CD200R1L: variants seen among roughly 807,000 people sequenced by gnomAD.
The protein encoded by CD200R1L is cell surface glycoprotein CD200 receptor 2.
CD200R1L carries 14 observed loss-of-function variants against 24.8 expected under a neutral mutation model. That is an observed-to-expected ratio of 0.56 (90% CI 0.37 to 0.88). The LOEUF is 0.88. Among genes scored for constraint, CD200R1L ranks in the 40% least tolerant of loss-of-function variants. CD200R1L has a pLI of 0.00. For missense variants in CD200R1L, 299 were observed against 297.8 expected (o/e 1.00, Z -0.03); for synonymous variants, 111 against 109.2 (o/e 1.02, Z -0.11).
At position 112,845,905 on chromosome 3, in the gene CD200R1L, T is replaced by C. The variant is rs6766376; in HGVS notation, c.-313A>G. 5.7e-5 allele frequency: 32 copies of C among 566,276 alleles called. No individual in the cohort carries two copies. The African/African-American group carries it at 5.9e-4, about 10-fold the overall frequency. 35.1% of individuals were successfully genotyped at this position (566,276 alleles called of 1,614,324 possible). A position where few individuals can be genotyped will look rare whatever the true frequency, so the allele number is the denominator to read the frequency against. On this transcript the variant is annotated 5_prime_UTR_variant, in exon 2 of 8. Transcript: ENST00000488794. ...CTTTAATTTTTGCTGTCATTCTATATGTTTTTGACTGATTAACCACTGATG... is the reference window on the plus strand; with the variant it reads ...CTTTAATTTTTGCTGTCATTCTATACGTTTTTGACTGATTAACCACTGATG...
At chr3:112,842,084 GAC>G (rs1939095923) in intron 2 of CD200R1L, among the ~76,000 whole-genome samples, 1 of 152,204 alleles carries the variant, frequency 6.6e-6, no homozygotes, top group Admixed American at 6.5e-5. Context: ...CAGTGATCTA[GAC>G]ACAGAAGGCT....
chr3:112,837,830 G>T lies in CD200R1L; in HGVS notation c.-18+112C>A, dbSNP rs981605929. On this transcript the variant is annotated intron_variant, in intron 3 of 7. Coordinates refer to ENST00000488794, the MANE Select transcript of CD200R1L (RefSeq NM_001199215.3). ...CCTTGCTTGGTCTTCAAGCAATAGT[G>T]TGCAGAGAGGTATCTGTTAAAATTG... is the stretch of plus-strand genomic sequence containing the variant. The T allele has an allele frequency of 7.6e-6, 2 of 263,566 alleles. 1 individual carries two copies. Among genetic ancestry groups the T allele is most frequent in the African/African-American group, 4.8e-5 (2 of 41,926 alleles). The allele number at this position is 263,566 out of a possible 1,614,324, so 16.3% of individuals were successfully genotyped here. A position where few individuals can be genotyped will look rare whatever the true frequency, so the allele number is the denominator to read the frequency against.
chr3:112,825,001 GC>G (rs1301630253), intron 6 of CD200R1L, among the ~76,000 whole-genome samples: 1 of 152,174 alleles, frequency 6.6e-6, no homozygotes, highest in Non-Finnish European at 1.5e-5. Context: ...ACTTTGGGAG[GC>G]CCAGGCGGGC....
intron 3 of CD200R1L, among the ~76,000 whole-genome samples, chr3:112,833,342 G>A (rs1938856682): frequency 6.6e-6 from 1 of 152,204 alleles, no homozygotes; most frequent in Admixed American, 6.5e-5. Context: ...TGATAAAGAT[G>A]AAATGTGGAG....
At chr3:112,829,586 A>C in intron 3 of CD200R1L, 1 of 907,252 alleles carries the variant, frequency 1.1e-6, no homozygotes, top group Non-Finnish European at 1.3e-6. Context: ...AATTATACTT[A>C]TAAGCAATTG....
At chr3:112,845,164 A>C (rs1441692043) in intron 2 of CD200R1L, among the ~76,000 whole-genome samples, 5 of 152,152 alleles carry the variant, frequency 3.3e-5, no homozygotes, top group Non-Finnish European at 7.3e-5. Context: ...AAAAAAAAAG[A>C]GGAGGTTCAA....
chr3:112,845,022 T>C (rs1576100966), intron 2 of CD200R1L, among the ~76,000 whole-genome samples: 1 of 150,214 alleles, frequency 6.7e-6, no homozygotes, highest in Middle Eastern at 3.4e-3. Context: ...CAGAAGAAAA[T>C]AAATCACTAA....
intron 3 of CD200R1L, among the ~76,000 whole-genome samples, chr3:112,836,961 T>C (rs1207390141): frequency 6.6e-6 from 1 of 152,244 alleles, no homozygotes; most frequent in East Asian, 1.9e-4. Context: ...ATAAAAATTA[T>C]CTGTTCCTTA....
intron 6 of CD200R1L, among the ~76,000 whole-genome samples, chr3:112,825,323 G>A (rs1021076161): frequency 6.7e-6 from 1 of 150,308 alleles, no homozygotes; most frequent in African/African-American, 2.4e-5. Flanking sequence ...CTTTTGAAGA[G>A]CCCAAAGAGG....
chr3:112,838,242 A>C (rs1173495425), intron 2 of CD200R1L, among the ~76,000 whole-genome samples: 1 of 146,428 alleles, frequency 6.8e-6, no homozygotes, highest in Non-Finnish European at 1.5e-5. Flanking sequence ...GTAGTTATGA[A>C]TAAATGATTC....
At chr3:112,830,090 G>T (rs915155050) in intron 3 of CD200R1L, among the ~76,000 whole-genome samples, 3 of 152,112 alleles carry the variant, frequency 2.0e-5, no homozygotes, top group Admixed American at 6.5e-5. Context: ...TTAGAAACAG[G>T]GTCACTTCGG....
At chr3:112,820,874 A>G (rs1938519613) in intron 6 of CD200R1L, among the ~76,000 whole-genome samples, 1 of 151,594 alleles carries the variant, frequency 6.6e-6, no homozygotes. Flanking sequence ...CCTGACCAAC[A>G]TGGTGAAACC....
At position 112,827,078 on chromosome 3, in the gene CD200R1L, G is replaced by A. The variant is rs1312937974; in HGVS notation, c.531C>T (p.Cys177=). Residue 177 remains cysteine (C), a synonymous_variant, in exon 6 of 8, where the codon TGC becomes TGT. Transcript: ENST00000488794. ...CAGTAGACTTGTGGCCCTCCCAGGG[G>A]CATGTACTCTTAACCGTCACTGTGC... ...GNGTVTVKST[C]PWEGHKSTVT... is the part of the protein sequence containing the mutation. 8.7e-6 allele frequency: 14 copies of A among 1,613,210 alleles called. No individual in the cohort carries two copies. Among genetic ancestry groups the A allele is most frequent in the Non-Finnish European group, 1.1e-5 (13 of 1,180,006 alleles).
At chr3:112,836,858 A>G (rs1157180444) in intron 3 of CD200R1L, among the ~76,000 whole-genome samples, 1 of 152,212 alleles carries the variant, frequency 6.6e-6, no homozygotes, top group Non-Finnish European at 1.5e-5. Flanking sequence ...AGTTTTTTGT[A>G]TACTAACTTT....
At chr3:112,836,028 A>G (rs1410123453) in intron 3 of CD200R1L, among the ~76,000 whole-genome samples, 3 of 152,208 alleles carry the variant, frequency 2.0e-5, no homozygotes, top group African/African-American at 7.2e-5. Flanking sequence ...GCACAAATGA[A>G]CCCAATGCGA....
intron 3 of CD200R1L, among the ~76,000 whole-genome samples, chr3:112,832,456 C>G (rs557501784): frequency 9.9e-5 from 15 of 152,106 alleles, no homozygotes; most frequent in East Asian, 5.8e-4. Context: ...TAGGAAAGAC[C>G]AAGATAAATC....
Position 112,827,009 on chromosome 3 carries a change from G to A in CD200R1L, c.600C>T (p.Ser200=), listed in dbSNP as rs776226059. The A allele has an allele frequency of 3.2e-5, 51 of 1,607,662 alleles. No individual in the cohort carries two copies. Among genetic ancestry groups the A allele is most frequent in the East Asian group, 6.7e-5 (3 of 44,816 alleles). Residue 200 remains serine (S), a synonymous_variant, in exon 6 of 8, where the codon TCC becomes TCT. Coordinates refer to ENST00000488794, the MANE Select transcript of CD200R1L (RefSeq NM_001199215.3). The part of the protein sequence containing the change: ...VSHLTGNKSL[S]VKLNSGLRTS... ...GGCGCTTACCTGAATTCAACTTTAC[G>A]GACAGACTCTTGTTGCCAGTCAAAT...
Position 112,844,775 on chromosome 3 carries a change from T to C in CD200R1L, c.-87+904A>G, listed in dbSNP as rs1482625711. 4.0e-5 allele frequency among the ~76,000 whole-genome samples: 6 copies of C among 151,892 alleles called. No homozygotes were observed. The South Asian group carries it at 1.2e-3, about 32-fold the overall frequency. The stretch of plus-strand genomic sequence containing the variant: ...CCTGACTCTACTAATAATACAAAAA[T>C]TAGCCAGGTGTGGTGGCGGGTGCCT... On this transcript the variant is annotated intron_variant, in intron 2 of 7. Coordinates refer to ENST00000488794, the MANE Select transcript of CD200R1L (RefSeq NM_001199215.3).
rs1305846333 is a variant in CD200R1L at position 112,827,163 on chromosome 3, T to C, written c.446A>G (p.Gln149Arg). 1 of 1,613,562 alleles carries C rather than the reference T, an allele frequency of 6.2e-7. No individual in the cohort carries two copies. The highest frequency in any genetic ancestry group is 8.5e-7 in the Non-Finnish European group (1 of 1,180,024). The change falls in exon 6 of 8, where the codon CAG becomes CGG. Residue 149 changes from glutamine to arginine, a missense_variant. Coordinates refer to ENST00000488794, the MANE Select transcript of CD200R1L (RefSeq NM_001199215.3). ...CKAVTGKPAA[Q>R]ISWIPEGSIL... ...AGATCCCTCTGGGATCCAGGAGATC[T>C]GGGCAGCTGGCTTCCCTGTAACTGC...
Sources: gnomAD v4.1 joint callset for allele counts (sites outside exome capture counted in the v4.1 genomes callset) on GRCh38, gnomAD v4.1.1 for gene constraint, MANE v1.5 for transcripts, NCBI Gene and HGNC (gene_info 2026-07-23, HGNC 2026-07-21) for gene names.